The following ANK2 variants were observed in gnomAD, a reference collection of about 807,000 sequenced individuals.
ANK2 encodes ankyrin-2.
ANK2 carries 83 observed loss-of-function variants against 360.5 expected under a neutral mutation model. That is an observed-to-expected ratio of 0.23 (90% CI 0.19 to 0.28). The LOEUF (loss-of-function observed/expected upper bound fraction) is 0.28, where lower values mean the gene tolerates loss of function less well. ANK2 is among the 10% of genes least tolerant of loss of function. The pLI is 1.00. For synonymous variants in ANK2, 1,740 were observed against 1,759.5 expected, an observed-to-expected ratio of 0.99 and a Z score of 0.28; for missense variants, 4,201 against 4,795.7, an observed-to-expected ratio of 0.88 and a Z score of 3.66.
chr4:112,796,363 C>T, the ANK2 span, among the ~76,000 whole-genome samples: 11 of 151,912 alleles, frequency 7.2e-5, no homozygotes, highest in South Asian at 2.1e-4. Flanking sequence ...GTGGAGGTTA[C>T]GGTGAACCGA....
rs2045183268 is a variant in ANK2, at chr4:113,249,864, TG to T, written c.990+3del. ...GCCCCCTTGCTGGCAAGGACTAAGGTGAGTCATTATGAGTAAGATGGGGTCC... is the reference window on the plus strand; with the variant it reads ...GCCCCCTTGCTGGCAAGGACTAAGGTAGTCATTATGAGTAAGATGGGGTCC... On this transcript the variant is annotated splice_donor_region_variant and intron_variant, in intron 10 of 45. Transcript: ENST00000357077. 1.9e-6 allele frequency: 3 copies of T among 1,612,112 alleles called. No individual in the cohort carries two copies. The highest frequency in any genetic ancestry group is 2.5e-6 in the Non-Finnish European group (3 of 1,178,458).
intron 1 of ANK2, among the ~76,000 whole-genome samples, chr4:112,849,307 T>C (rs2064070157): frequency 6.6e-6 from 1 of 152,222 alleles, no homozygotes; most frequent in Non-Finnish European, 1.5e-5. Flanking sequence ...TCTCTATTTC[T>C]TTTAATGACG....
chr4:112,957,824 C>T (rs1251762481), intron 2 of ANK2, among the ~76,000 whole-genome samples: 1 of 150,340 alleles, frequency 6.7e-6, no homozygotes, highest in Non-Finnish European at 1.5e-5. Context: ...CGGAGGGGCT[C>T]CTCACTTCTC....
chr4:113,080,647 T>G (rs1025944431), intron 1 of ANK2, among the ~76,000 whole-genome samples: 2 of 152,148 alleles, frequency 1.3e-5, no homozygotes, highest in Non-Finnish European at 2.9e-5. Flanking sequence ...TGTTTGAATA[T>G]ATATTCAAAG....
At chr4:113,066,614 A>T (rs577092123) in intron 1 of ANK2, among the ~76,000 whole-genome samples, 1 of 152,284 alleles carries the variant, frequency 6.6e-6, no homozygotes, top group East Asian at 1.9e-4. Context: ...GACTGAGCTG[A>T]GCTTTAAAGA....
intron 9 of ANK2, among the ~76,000 whole-genome samples, chr4:113,249,296 T>TG (rs1363941091): frequency 6.6e-6 from 1 of 152,224 alleles, no homozygotes. Flanking sequence ...AGAACATATG[T>TG]GAAAAAATTA....
At chr4:112,725,134 T>C in the ANK2 span, among the ~76,000 whole-genome samples, 10 of 150,812 alleles carry the variant, frequency 6.6e-5, no homozygotes, top group South Asian at 1.9e-3. Flanking sequence ...CAAAAAAAAT[T>C]AGTTGGCCAT....
At chr4:113,317,569 A>G in intron 24 of ANK2, 138 bp from the exon 25 acceptor site, 1 of 715,156 alleles carries the variant, frequency 1.4e-6, no homozygotes, top group Non-Finnish European at 2.5e-6. Context: ...GTAGGACAAC[A>G]GAGACTTGTG....
intron 5 of ANK2, among the ~76,000 whole-genome samples, chr4:113,235,381 G>A (rs1266075122): frequency 6.6e-6 from 1 of 151,966 alleles, no homozygotes; most frequent in Non-Finnish European, 1.5e-5. Context: ...TATTATTGCT[G>A]GTACTGCACA....
At chr4:112,870,017 GA>G (rs1351251926) in intron 1 of ANK2, among the ~76,000 whole-genome samples, 1 of 151,220 alleles carries the variant, frequency 6.6e-6, no homozygotes, top group Non-Finnish European at 1.5e-5. Flanking sequence ...TTGTTTTCTT[GA>G]GACAGAGTCT....
intron 2 of ANK2, among the ~76,000 whole-genome samples, chr4:112,964,287 T>G (rs1451337995): frequency 6.6e-6 from 1 of 151,640 alleles, no homozygotes; most frequent in Admixed American, 6.6e-5. Flanking sequence ...AAATTATTTT[T>G]TGTACCCATT....
intron 1 of ANK2, among the ~76,000 whole-genome samples, chr4:112,863,798 A>G (rs1036465566): frequency 2.0e-5 from 3 of 152,168 alleles, no homozygotes; most frequent in Non-Finnish European, 2.9e-5. Context: ...CTGGGATTAC[A>G]GGCGTGAGCC....
chr4:113,172,723 G>A (rs924332016), intron 1 of ANK2, among the ~76,000 whole-genome samples: 9 of 152,042 alleles, frequency 5.9e-5, no homozygotes, highest in African/African-American at 1.4e-4. Flanking sequence ...TAATATGTTC[G>A]TATTTTATAT....
intron 1 of ANK2, among the ~76,000 whole-genome samples, chr4:112,886,640 C>T (rs879579370): frequency 6.6e-5 from 10 of 151,956 alleles, no homozygotes; most frequent in Admixed American, 3.3e-4. Flanking sequence ...CCAGCTTGGG[C>T]GACAGAGCGA....
chr4:113,290,962 G>T (rs1456836496), intron 20 of ANK2, among the ~76,000 whole-genome samples: 1 of 152,206 alleles, frequency 6.6e-6, no homozygotes, highest in Non-Finnish European at 1.5e-5. Flanking sequence ...TTCAGGTAAA[G>T]GTTAGATTAA....
intron 2 of ANK2, among the ~76,000 whole-genome samples, chr4:113,182,779 C>T (rs1404818058): frequency 6.6e-6 from 1 of 152,024 alleles, no homozygotes; most frequent in Non-Finnish European, 1.5e-5. Flanking sequence ...GGAGCTCATT[C>T]AATGGATGAC....
At chr4:113,206,215 G>A (rs1202187663) in intron 4 of ANK2, among the ~76,000 whole-genome samples, 1 of 152,094 alleles carries the variant, frequency 6.6e-6, no homozygotes, top group Non-Finnish European at 1.5e-5. Flanking sequence ...AGCCCAAAAT[G>A]CATTAGTTAG....
At chr4:112,752,828 G>A in the ANK2 span, among the ~76,000 whole-genome samples, 1 of 151,876 alleles carries the variant, frequency 6.6e-6, no homozygotes, top group Non-Finnish European at 1.5e-5. Context: ...ACGATACCTG[G>A]CTAATTTTTG....
At chr4:113,123,205 T>TAAA (rs1449532029) in intron 1 of ANK2, among the ~76,000 whole-genome samples, 2 of 152,046 alleles carry the variant, frequency 1.3e-5, no homozygotes, top group Non-Finnish European at 2.9e-5. Flanking sequence ...TTTTAATCTT[T>TAAA]AAAAAATCAG....
Sources: gnomAD v4.1 joint callset for allele counts (sites outside exome capture counted in the v4.1 genomes callset) on GRCh38, gnomAD v4.1.1 for gene constraint, MANE v1.5 for transcripts, NCBI Gene and HGNC (gene_info 2026-07-23, HGNC 2026-07-21) for gene names.